The following GALNTL6 variants were observed in gnomAD, a reference collection of about 807,000 sequenced individuals.
GALNTL6 encodes the protein polypeptide N-acetylgalactosaminyltransferase like 6.
Under a neutral mutation model 73.7 loss-of-function variants are expected in GALNTL6, and 46 were observed. The ratio of observed to expected loss-of-function variants is 0.62; its 90% CI spans 0.49 to 0.80. GALNTL6 has a LOEUF of 0.80. Among genes scored for constraint, GALNTL6 ranks in the 30% least tolerant of loss-of-function variants. The probability of loss-of-function intolerance (pLI) is 0.00; values close to 1 mark genes in which losing one functional copy is unlikely to be tolerated. For synonymous variants in GALNTL6, 259 were observed against 263.7 expected (o/e 0.98, Z 0.17); for missense variants, 604 against 755.0 (o/e 0.80, Z 2.34).
chr4:171,831,085 C>A (rs1348454398), intron 2 of GALNTL6, among the ~76,000 whole-genome samples: 1 of 151,994 alleles, frequency 6.6e-6, no homozygotes, highest in Non-Finnish European at 1.5e-5. Context: ...TTTCAAGGGG[C>A]TTATTTTAAT....
intron 5 of GALNTL6, among the ~76,000 whole-genome samples, chr4:172,691,869 A>T (rs1420713817): frequency 6.6e-6 from 1 of 152,244 alleles, no homozygotes; most frequent in Admixed American, 6.5e-5. Context: ...TATTGTGTGC[A>T]CCCAATTTGA....
At chr4:172,197,983 C>T (rs894131680) in intron 2 of GALNTL6, among the ~76,000 whole-genome samples, 5 of 151,894 alleles carry the variant, frequency 3.3e-5, no homozygotes, top group African/African-American at 7.3e-5. Context: ...TGGTTGTGGG[C>T]GCCTGTAGTC....
At chr4:171,816,556 A>G (rs1455847144) in intron 2 of GALNTL6, among the ~76,000 whole-genome samples, 1 of 152,102 alleles carries the variant, frequency 6.6e-6, no homozygotes, top group Non-Finnish European at 1.5e-5. Flanking sequence ...ATATTGTATG[A>G]CATTCCAGTT....
At chr4:172,029,103 A>G (rs973498321) in intron 2 of GALNTL6, among the ~76,000 whole-genome samples, 4 of 151,972 alleles carry the variant, frequency 2.6e-5, no homozygotes, top group African/African-American at 9.7e-5. Context: ...ATATATATGC[A>G]AAGATGGGAA....
chr4:172,031,480 A>G (rs1420863034), intron 2 of GALNTL6, among the ~76,000 whole-genome samples: 1 of 152,132 alleles, frequency 6.6e-6, no homozygotes, highest in Non-Finnish European at 1.5e-5. Flanking sequence ...TGATTTTAAG[A>G]ATGTGCTGCT....
intron 5 of GALNTL6, among the ~76,000 whole-genome samples, chr4:172,665,162 G>A (rs1731590217): frequency 6.6e-6 from 1 of 152,048 alleles, no homozygotes; most frequent in Non-Finnish European, 1.5e-5. Flanking sequence ...TAATCATTAA[G>A]CCAAAGCCAC....
chr4:171,855,048 C>T (rs1452910584), intron 2 of GALNTL6, among the ~76,000 whole-genome samples: 3 of 152,082 alleles, frequency 2.0e-5, no homozygotes, highest in Non-Finnish European at 2.9e-5. Flanking sequence ...CATGCACCCC[C>T]TTTCCCTTAT....
At chr4:173,018,616 G>T (rs535161489) in intron 11 of GALNTL6, among the ~76,000 whole-genome samples, 1 of 152,348 alleles carries the variant, frequency 6.6e-6, no homozygotes, top group African/African-American at 2.4e-5. Context: ...CTTCCTGGAT[G>T]AGTGGACACT....
At chr4:172,041,078 T>G (rs1742076031) in intron 2 of GALNTL6, among the ~76,000 whole-genome samples, 1 of 152,252 alleles carries the variant, frequency 6.6e-6, no homozygotes, top group Non-Finnish European at 1.5e-5. Flanking sequence ...TGAAGCCTAA[T>G]GTCTAATTGT....
intron 2 of GALNTL6, among the ~76,000 whole-genome samples, chr4:171,852,615 C>A (rs1487835540): frequency 6.6e-6 from 1 of 151,716 alleles, no homozygotes; most frequent in African/African-American, 2.4e-5. Context: ...AAATAGGTAA[C>A]AAATTCAATT....
At chr4:171,821,227 C>T (rs926478745) in intron 2 of GALNTL6, among the ~76,000 whole-genome samples, 49 of 151,968 alleles carry the variant, frequency 3.2e-4, no homozygotes, top group African/African-American at 1.0e-3. Flanking sequence ...TTTTTTGTAG[C>T]GACAAGGTCT....
rs147519821 is a variant in GALNTL6, at chr4:171,866,698, G to A, written c.138+51980G>A. On this transcript the variant is annotated intron_variant, in intron 2 of 12. Transcript: ENST00000506823. Reference sequence around the variant, plus strand: ...TCTGGATCAGGGTGCCAGCGGGGTCGGGTTCTGTTGAAGACACTCTTGCAC... The same window carrying A: ...TCTGGATCAGGGTGCCAGCGGGGTCAGGTTCTGTTGAAGACACTCTTGCAC... Among the ~76,000 whole-genome samples the A allele has an allele frequency of 1.0e-3, 153 of 152,294 alleles. 2 individuals carry two copies. The highest frequency in any genetic ancestry group is 3.5e-3 in the African/African-American group (145 of 41,574).
At chr4:172,083,908 A>G (rs917428477) in intron 2 of GALNTL6, among the ~76,000 whole-genome samples, 7 of 152,212 alleles carry the variant, frequency 4.6e-5, no homozygotes, top group East Asian at 3.8e-4. Context: ...GTGGGAATAG[A>G]TATACTCTCA....
intron 5 of GALNTL6, among the ~76,000 whole-genome samples, chr4:172,419,103 T>G (rs1730955780): frequency 6.6e-6 from 1 of 152,124 alleles, no homozygotes; most frequent in Admixed American, 6.6e-5. Flanking sequence ...ACCTTTATAG[T>G]GTGTGTATGT....
intron 5 of GALNTL6, among the ~76,000 whole-genome samples, chr4:172,398,617 G>T (rs335989): frequency 0.9 from 137,647 of 152,238 alleles, 62,319 homozygotes; most frequent in African/African-American, 0.96. Context: ...CTTTATTGCA[G>T]TAAGATAACC....
chr4:172,880,508 A>T (rs974683846), intron 7 of GALNTL6, among the ~76,000 whole-genome samples: 2 of 152,130 alleles, frequency 1.3e-5, no homozygotes, highest in African/African-American at 4.8e-5. Flanking sequence ...TTGGAAGGAA[A>T]TGAGAAGAGA....
chr4:172,552,850 A>AAAAAAAAAAAAAAAAAT, intron 5 of GALNTL6, among the ~76,000 whole-genome samples: 1 of 150,468 alleles, frequency 6.6e-6, no homozygotes, highest in Admixed American at 6.6e-5. Context: ...AAAAAAAAAA[A>AAAAAAAAAAAAAAAAAT]AAAAAAAGGT....
chr4:173,033,539 G>A (rs1235787203), intron 12 of GALNTL6, among the ~76,000 whole-genome samples: 1 of 152,188 alleles, frequency 6.6e-6, no homozygotes, highest in East Asian at 1.9e-4. Context: ...TGGCTCAAAG[G>A]ATAGTCAAAT....
intron 2 of GALNTL6, among the ~76,000 whole-genome samples, chr4:171,953,586 A>T (rs1738952940): frequency 6.6e-6 from 1 of 152,176 alleles, no homozygotes; most frequent in Admixed American, 6.6e-5. Context: ...TACAGACCTA[A>T]ATACAAGACA....
Sources: gnomAD v4.1 joint callset for allele counts (sites outside exome capture counted in the v4.1 genomes callset) on GRCh38, gnomAD v4.1.1 for gene constraint, MANE v1.5 for transcripts, NCBI Gene and HGNC (gene_info 2026-07-23, HGNC 2026-07-21) for gene names.